RBFOX1: variants seen among roughly 807,000 people sequenced by gnomAD.
The protein encoded by RBFOX1 is RNA binding protein fox-1 homolog 1.
A neutral mutation model predicts 57.7 loss-of-function variants in RBFOX1; 8 were observed. The observed-to-expected ratio is 0.14, with a 90% CI of 0.08 to 0.25. The LOEUF (loss-of-function observed/expected upper bound fraction) is 0.25. RBFOX1 is among the 10% of genes least tolerant of loss of function. The pLI is 1.00. For missense variants in RBFOX1, 611 were observed against 548.5 expected (o/e 1.11, Z -1.14); for synonymous variants, 326 against 222.4 (o/e 1.47, Z -4.15).
intron 1 of RBFOX1, among the ~76,000 whole-genome samples, chr16:5,346,000 G>A (rs1428467128): frequency 6.6e-6 from 1 of 152,218 alleles, no homozygotes; most frequent in Admixed American, 6.5e-5. Context: ...ATAACATGGT[G>A]TGGGGGATTG....
At chr16:6,222,222 G>C (rs1192173233) in intron 1 of RBFOX1, among the ~76,000 whole-genome samples, 1 of 152,134 alleles carries the variant, frequency 6.6e-6, no homozygotes, top group Non-Finnish European at 1.5e-5. Flanking sequence ...TAACTCTCGT[G>C]GGTCTTTGGT....
At position 7,000,909 on chromosome 16, in the gene RBFOX1, A is replaced by C. The variant is rs147112752; in HGVS notation, c.-15-51148A>C. Among the ~76,000 whole-genome samples, 175 of 152,206 alleles carry C rather than the reference A, an allele frequency of 1.1e-3. 7 individuals are homozygous for C. In the East Asian group the frequency reaches 0.032, roughly 28 times the overall value. ...GAGCCACCGCACCTGGGAAACACAT[A>C]ATAAATTTTCTTGTTTACTTCCATT... On this transcript the variant is annotated intron_variant, in intron 3 of 15. Coordinates refer to ENST00000550418, the MANE Select transcript of RBFOX1 (RefSeq NM_018723.4).
At chr16:5,479,818 C>A (rs113292892) in intron 2 of RBFOX1, among the ~76,000 whole-genome samples, 1 of 151,734 alleles carries the variant, frequency 6.6e-6, no homozygotes, top group Non-Finnish European at 1.5e-5. Context: ...GGTGGTCAGA[C>A]GTGTCCTTGG....
intron 1 of RBFOX1, among the ~76,000 whole-genome samples, chr16:5,358,782 G>A (rs944976230): frequency 5.3e-5 from 8 of 152,162 alleles, no homozygotes; most frequent in Non-Finnish European, 7.3e-5. Flanking sequence ...AGCCGAGATC[G>A]CGCCATTGCA....
chr16:6,788,514 C>A (rs143878441), intron 3 of RBFOX1, among the ~76,000 whole-genome samples: 2,868 of 151,532 alleles, frequency 0.019, 102 homozygotes, highest in African/African-American at 0.065. Flanking sequence ...CTTGCTCTGT[C>A]GCCCACGCTG....
chr16:5,409,301 C>A (rs2066949874), intron 1 of RBFOX1, among the ~76,000 whole-genome samples: 1 of 152,196 alleles, frequency 6.6e-6, no homozygotes, highest in African/African-American at 2.4e-5. Context: ...GGGAGCCCCC[C>A]AGGTGTGTCC....
intron 11 of RBFOX1, among the ~76,000 whole-genome samples, chr16:7,635,690 C>G (rs1398234846): frequency 1.3e-5 from 2 of 152,128 alleles, no homozygotes; most frequent in African/African-American, 4.8e-5. Flanking sequence ...GACCGTCTCC[C>G]TTTAAGCCTT....
chr16:5,954,785 C>T (rs747709159), intron 4 of RBFOX1, among the ~76,000 whole-genome samples: 3 of 152,158 alleles, frequency 2.0e-5, no homozygotes, highest in Non-Finnish European at 4.4e-5. Flanking sequence ...CTTCCTTCCT[C>T]CCCTTCCTGC....
At chr16:5,992,211 CCTT>C (rs2060412358) in intron 4 of RBFOX1, among the ~76,000 whole-genome samples, 1 of 152,040 alleles carries the variant, frequency 6.6e-6, no homozygotes, top group Non-Finnish European at 1.5e-5. Flanking sequence ...AAAATAACTT[CCTT>C]CTTCAAAGAA....
chr16:5,560,714 A>T (rs1373597364), intron 2 of RBFOX1, among the ~76,000 whole-genome samples: 1 of 152,076 alleles, frequency 6.6e-6, no homozygotes. Context: ...TTCTTAACCT[A>T]CCAAAGTTTG....
chr16:7,663,266 G>T (rs1378857934), intron 12 of RBFOX1, among the ~76,000 whole-genome samples: 1 of 152,184 alleles, frequency 6.6e-6, no homozygotes, highest in African/African-American at 2.4e-5. Flanking sequence ...TCAGCATCTT[G>T]GATTAGGGCT....
Position 6,917,432 on chromosome 16 carries a change from C to T in RBFOX1, c.-15-134625C>T, listed in dbSNP as rs569764530. ...AAAGAAATCTACAAGTGCTTTTGTC[C>T]TTGATGTGTTTCATTTGGGGAATAC... On this transcript the variant is annotated intron_variant, in intron 3 of 15. Coordinates refer to ENST00000550418, the MANE Select transcript of RBFOX1 (RefSeq NM_018723.4). 8.4e-4 allele frequency among the ~76,000 whole-genome samples: 128 copies of T among 152,278 alleles called. 2 individuals are homozygous for T. In the East Asian group the frequency reaches 0.014, roughly 17 times the overall value.
chr16:6,589,798 A>T (rs1413693302), intron 2 of RBFOX1, among the ~76,000 whole-genome samples: 1 of 152,248 alleles, frequency 6.6e-6, no homozygotes, highest in Admixed American at 6.5e-5. Flanking sequence ...AGTTCAGCCT[A>T]TGCCCATAAA....
intron 1 of RBFOX1, among the ~76,000 whole-genome samples, chr16:5,419,167 A>G (rs2067242433): frequency 6.6e-6 from 1 of 152,194 alleles, no homozygotes; most frequent in African/African-American, 2.4e-5. Flanking sequence ...GGTTCTCTAG[A>G]GAAACAGAAC....
chr16:5,403,392 C>G (rs1018381675), intron 1 of RBFOX1, among the ~76,000 whole-genome samples: 3 of 151,348 alleles, frequency 2.0e-5, no homozygotes, highest in African/African-American at 7.3e-5. Context: ...ACAAAAAAAC[C>G]CAAAACCCTT....
chr16:7,533,989 G>T (rs181140391), intron 5 of RBFOX1, among the ~76,000 whole-genome samples: 1 of 152,010 alleles, frequency 6.6e-6, no homozygotes, highest in South Asian at 2.1e-4. Context: ...GACTCTAAAC[G>T]GTTGTGTAAA....
At chr16:6,518,665 G>T (rs536706207) in intron 2 of RBFOX1, among the ~76,000 whole-genome samples, 1 of 152,186 alleles carries the variant, frequency 6.6e-6, no homozygotes, top group Admixed American at 6.5e-5. Flanking sequence ...GGGCCACCCG[G>T]AGTAACTGCC....
chr16:5,486,835 G>C (rs1362464355), intron 2 of RBFOX1, among the ~76,000 whole-genome samples: 1 of 151,754 alleles, frequency 6.6e-6, no homozygotes, highest in Non-Finnish European at 1.5e-5. Flanking sequence ...TACCTTGCTG[G>C]AGATTTAAGA....
chr16:5,274,778 A>G (rs532957996), intron 1 of RBFOX1, among the ~76,000 whole-genome samples: 2 of 152,208 alleles, frequency 1.3e-5, no homozygotes, highest in Admixed American at 1.3e-4. Flanking sequence ...CAAGCAGGAC[A>G]GGTAAGATCT....
Sources: allele counts gnomAD v4.1 joint callset (sites outside exome capture counted in the v4.1 genomes callset), GRCh38; gene constraint gnomAD v4.1.1; transcripts MANE v1.5; gene names NCBI Gene and HGNC (gene_info 2026-07-23, HGNC 2026-07-21).